PRKCE: variants seen among roughly 807,000 people sequenced by gnomAD.
PRKCE encodes protein kinase C epsilon type.
A neutral mutation model predicts 85.4 loss-of-function variants in PRKCE; 16 were observed. The ratio of observed to expected loss-of-function variants is 0.19; its 90% CI spans 0.13 to 0.28. The LOEUF is 0.28. PRKCE is among the 10% of genes least tolerant of loss of function. PRKCE has a pLI of 1.00. For synonymous variants in PRKCE, 388 were observed against 371.5 expected, an observed-to-expected ratio of 1.04 and a Z score of -0.51; for missense variants, 573 against 975.2, an observed-to-expected ratio of 0.59 and a Z score of 5.49.
intron 9 of PRKCE, 40 bp downstream of exon 9, chr2:46,007,701 ACTC>A (rs1470680704): frequency 6.4e-7 from 1 of 1,573,628 alleles, no homozygotes; most frequent in African/African-American, 1.3e-5. Flanking sequence ...GTTTTGTTCT[ACTC>A]CTTAGCATTG....
At chr2:46,101,371 A>G (rs1208726069) in intron 11 of PRKCE, among the ~76,000 whole-genome samples, 1 of 152,210 alleles carries the variant, frequency 6.6e-6, no homozygotes, top group Non-Finnish European at 1.5e-5. Context: ...GGAGGAAGTG[A>G]CCACTCCCGG....
intron 1 of PRKCE, among the ~76,000 whole-genome samples, chr2:45,653,564 G>A (rs1675245164): frequency 6.6e-6 from 1 of 151,524 alleles, no homozygotes; most frequent in Non-Finnish European, 1.5e-5. Flanking sequence ...GTGGTGTAGA[G>A]CAATTGCTTT....
chr2:45,875,120 GAATGGT>G (rs1365348408), intron 2 of PRKCE, among the ~76,000 whole-genome samples: 1 of 152,172 alleles, frequency 6.6e-6, no homozygotes, highest in Non-Finnish European at 1.5e-5. Context: ...TAGAGGTTGT[GAATGGT>G]ATGGGCATGA....
intron 1 of PRKCE, among the ~76,000 whole-genome samples, chr2:45,814,554 G>A (rs1396497926): frequency 6.6e-6 from 1 of 152,144 alleles, no homozygotes; most frequent in Non-Finnish European, 1.5e-5. Context: ...TAAAACTCAT[G>A]GACAAAATAT....
intron 2 of PRKCE, among the ~76,000 whole-genome samples, chr2:45,882,397 G>T (rs962112138): frequency 6.6e-6 from 1 of 152,202 alleles, no homozygotes; most frequent in African/African-American, 2.4e-5. Flanking sequence ...CAACATCCTT[G>T]CTCTGATGTC....
intron 1 of PRKCE, among the ~76,000 whole-genome samples, chr2:45,793,739 A>G (rs1467631169): frequency 6.6e-6 from 1 of 152,204 alleles, no homozygotes; most frequent in Non-Finnish European, 1.5e-5. Context: ...AAAAACAGCA[A>G]CAATTGTTTA....
At chr2:46,018,398 C>G (rs1023590865) in intron 10 of PRKCE, among the ~76,000 whole-genome samples, 3 of 151,988 alleles carry the variant, frequency 2.0e-5, no homozygotes, top group African/African-American at 4.8e-5. Context: ...CTGCTGGCCT[C>G]TACAGAGGTT....
intron 10 of PRKCE, among the ~76,000 whole-genome samples, chr2:46,050,962 C>T (rs1181481216): frequency 2.0e-5 from 3 of 152,222 alleles, no homozygotes; most frequent in Admixed American, 2.0e-4. Context: ...CTTCCTTTCA[C>T]TTCACCTCAC....
intron 10 of PRKCE, among the ~76,000 whole-genome samples, chr2:46,038,052 C>G (rs1433401904): frequency 1.3e-5 from 2 of 152,152 alleles, no homozygotes; most frequent in Non-Finnish European, 2.9e-5. Context: ...TAATACCAGT[C>G]TCCTCTGTCC....
chr2:45,710,288 A>C (rs1366434612), intron 1 of PRKCE, among the ~76,000 whole-genome samples: 1 of 152,222 alleles, frequency 6.6e-6, no homozygotes, highest in Non-Finnish European at 1.5e-5. Context: ...CCAGTTTTTC[A>C]GCAGTAAAGC....
intron 11 of PRKCE, among the ~76,000 whole-genome samples, chr2:46,119,513 G>C (rs540367696): frequency 6.6e-6 from 1 of 152,182 alleles, no homozygotes; most frequent in African/African-American, 2.4e-5. Flanking sequence ...CTAAGGGCTT[G>C]TGTTTTCCGA....
In PRKCE at chr2:46,145,255, A is replaced by G. The variant is rs1284631405; in HGVS notation, c.1731+24A>G. 1.3e-6 allele frequency: 2 copies of G among 1,598,518 alleles called. No individual in the cohort carries two copies. The highest frequency in any genetic ancestry group is 2.2e-5 in the South Asian group (2 of 90,998). On this transcript the variant is annotated intron_variant, in intron 12 of 14. Coordinates refer to ENST00000306156, the MANE Select transcript of PRKCE (RefSeq NM_005400.3). The surrounding 1 kb of genome is among the most constrained non-coding windows in gnomAD (Gnocchi z 4.6). ...AGGTAAGACCTGTGTGCAAAGGTTC[A>G]CCTCCTCCTGGTGCCAGGACCGAGG... is the stretch of plus-strand genomic sequence containing the variant.
chr2:45,767,162 T>C (rs1486847302), intron 1 of PRKCE, among the ~76,000 whole-genome samples: 1 of 152,180 alleles, frequency 6.6e-6, no homozygotes, highest in Non-Finnish European at 1.5e-5. Flanking sequence ...CAAATAATTA[T>C]CTCAAATATA....
At chr2:46,148,283 T>C (rs1676280931) in intron 12 of PRKCE, among the ~76,000 whole-genome samples, 1 of 152,226 alleles carries the variant, frequency 6.6e-6, no homozygotes, top group Non-Finnish European at 1.5e-5. Context: ...TCCCGTGACA[T>C]GGAAGCCTTG....
intron 1 of PRKCE, among the ~76,000 whole-genome samples, chr2:45,695,664 T>C (rs1266489104): frequency 2.6e-5 from 4 of 152,112 alleles, no homozygotes; most frequent in African/African-American, 9.7e-5. Flanking sequence ...TCCCAGCTAA[T>C]CAGGAGGCTG....
intron 10 of PRKCE, among the ~76,000 whole-genome samples, chr2:46,013,703 T>A (rs1705880120): frequency 6.6e-6 from 1 of 152,248 alleles, no homozygotes; most frequent in Non-Finnish European, 1.5e-5. Flanking sequence ...CATGCTTGTT[T>A]AATTATGACA....
At chr2:45,751,072 C>T (rs1350746710) in intron 1 of PRKCE, among the ~76,000 whole-genome samples, 2 of 152,220 alleles carry the variant, frequency 1.3e-5, no homozygotes, top group African/African-American at 4.8e-5. Context: ...TCTGGACCAC[C>T]TTTGGTTCCC....
At chr2:45,855,651 G>A (rs756409999) in intron 2 of PRKCE, among the ~76,000 whole-genome samples, 5 of 152,302 alleles carry the variant, frequency 3.3e-5, no homozygotes, top group Admixed American at 6.5e-5. Flanking sequence ...TCCTTTCATC[G>A]TGCTTGCTTG....
At chr2:45,915,192 A>C (rs1697674604) in intron 2 of PRKCE, among the ~76,000 whole-genome samples, 2 of 152,310 alleles carry the variant, frequency 1.3e-5, no homozygotes, top group South Asian at 4.1e-4. Flanking sequence ...CCCAGACTCC[A>C]TATTGTATTT....
Sources: gnomAD v4.1 joint callset for allele counts (sites outside exome capture counted in the v4.1 genomes callset) on GRCh38, gnomAD v4.1.1 for gene constraint, Gnocchi (gnomAD v3.1) non-coding constraint, MANE v1.5 for transcripts, NCBI Gene and HGNC (gene_info 2026-07-23, HGNC 2026-07-21) for gene names.